Variants in MCF2L observed in about 807,000 individuals in gnomAD.
MCF2L encodes the protein guanine nucleotide exchange factor DBS.
A neutral mutation model predicts 153.4 loss-of-function variants in MCF2L; 97 were observed. The observed-to-expected ratio is 0.63, with a 90% CI of 0.54 to 0.75. The LOEUF (loss-of-function observed/expected upper bound fraction) is 0.75, where lower values mean the gene tolerates loss of function less well. Ranked by LOEUF, MCF2L falls within the 30% of genes least tolerant of loss-of-function variation. MCF2L has a pLI of 0.00. For synonymous variants in MCF2L, 659 were observed against 632.2 expected (o/e 1.04, Z -0.64); for missense variants, 1,347 against 1,495.2 (o/e 0.90, Z 1.64).
At chr13:112,985,750 A>C (rs9549622) in intron 1 of MCF2L, among the ~76,000 whole-genome samples, 16,225 of 152,274 alleles carry the variant, frequency 0.11, 1,133 homozygotes, top group East Asian at 0.24. Context: ...TGAGCCTCAC[A>C]AACTGTGCAA....
chr13:113,045,106 G>T lies in MCF2L; in HGVS notation c.279-165G>T, dbSNP rs2086726408. ...TGAGAGCAGGTTCTGGGACTGCGGGGATGGGGCTGCCGGGGCCCCCGTGTG... is the reference window on the plus strand; with the variant it reads ...TGAGAGCAGGTTCTGGGACTGCGGGTATGGGGCTGCCGGGGCCCCCGTGTG... On this transcript the variant is annotated intron_variant, in intron 3 of 29. Transcript: ENST00000535094. This position sits in a 1 kb window ranked among gnomAD's most constrained non-coding sequence, Gnocchi z 4.2. 1 of 912,054 alleles carries T rather than the reference G, an allele frequency of 1.1e-6. No homozygotes were observed. Among genetic ancestry groups the T allele is most frequent in the Admixed American group, 2.1e-5 (1 of 47,186 alleles). 56.5% of individuals were successfully genotyped at this position (912,054 alleles called of 1,614,324 possible). A position where few individuals can be genotyped will look rare whatever the true frequency, so the allele number is the denominator to read the frequency against.
At chr13:113,034,295 C>A (rs1368988694) in intron 3 of MCF2L, among the ~76,000 whole-genome samples, 1 of 152,130 alleles carries the variant, frequency 6.6e-6, no homozygotes, top group Admixed American at 6.5e-5. Flanking sequence ...TGCCACCACG[C>A]CCGGCTAATT....
chr13:113,076,934 G>T lies in MCF2L; in HGVS notation c.1501-118G>T. 4 of 1,099,534 alleles carry T rather than the reference G, an allele frequency of 3.6e-6. No individual in the cohort carries two copies. The South Asian group carries it at 4.7e-5, about 13-fold the overall frequency. 68.1% of individuals were successfully genotyped at this position (1,099,534 alleles called of 1,614,324 possible). A position where few individuals can be genotyped will look rare whatever the true frequency, so the allele number is the denominator to read the frequency against. Reference sequence around the variant, plus strand: ...CAGCTGCGCTGCGCTGACAGACCCCGCATGGAGAACATTTAAAGCGGGGGT... The same window carrying T: ...CAGCTGCGCTGCGCTGACAGACCCCTCATGGAGAACATTTAAAGCGGGGGT... On this transcript the variant is annotated intron_variant, in intron 12 of 29. Transcript: ENST00000535094.
At chr13:113,048,437 C>CTTTTT (rs35857164) in intron 4 of MCF2L, among the ~76,000 whole-genome samples, 11 of 104,176 alleles carry the variant, frequency 1.1e-4, no homozygotes, top group African/African-American at 1.8e-4. Context: ...AATTTACGGT[C>CTTTTT]TTTTTTTTTT....
At chr13:113,036,225 T>G (rs2086144112) in intron 3 of MCF2L, among the ~76,000 whole-genome samples, 1 of 152,204 alleles carries the variant, frequency 6.6e-6, no homozygotes, top group South Asian at 2.1e-4. Context: ...TCTTTGGAAA[T>G]GAGAATGACG....
intron 2 of MCF2L, among the ~76,000 whole-genome samples, chr13:112,919,205 A>ATT (rs11431408): frequency 0.095 from 11,893 of 125,572 alleles, 1,110 homozygotes; most frequent in South Asian, 0.16. Context: ...AAGAATTTGC[A>ATT]TTTTTTTTTT....
At chr13:113,032,917 G>A (rs2085816562) in intron 3 of MCF2L, among the ~76,000 whole-genome samples, 1 of 152,200 alleles carries the variant, frequency 6.6e-6, no homozygotes, top group Non-Finnish European at 1.5e-5. Flanking sequence ...AAGCGGACCT[G>A]GTGTGCTCAC....
chr13:112,909,657 A>T (rs2081210509), intron 2 of MCF2L: 4 of 226,376 alleles, frequency 1.8e-5, no homozygotes, highest in Non-Finnish European at 2.7e-5. Flanking sequence ...GTTTTATGAG[A>T]CAGAGTCCTG....
At chr13:113,071,609 C>T (rs1024746195) in intron 9 of MCF2L, among the ~76,000 whole-genome samples, 2 of 152,194 alleles carry the variant, frequency 1.3e-5, no homozygotes, top group African/African-American at 4.8e-5. Flanking sequence ...ATTGCTGTAG[C>T]ACTGTTTGTT....
rs2081132715 is a variant in MCF2L, at chr13:112,902,812, C to T, written c.169+441C>T. ...ACATGGCAAAGCCTCAGCTGGTCTC[C>T]AGACCAGTGCCCCTGCCTGGGCGTC... On this transcript the variant is annotated intron_variant, in intron 2 of 29. Coordinates refer to the MCF2L transcript ENST00000375608. Among the ~76,000 whole-genome samples, 3 of 152,324 alleles carry T rather than the reference C, an allele frequency of 2.0e-5. No individual in the cohort carries two copies. The South Asian group carries it at 6.2e-4, about 32-fold the overall frequency.
chr13:113,086,157 G>T lies in MCF2L; in HGVS notation c.2281G>T (p.Ala761Ser). Residue 761 changes from alanine (A) to serine (S), a missense_variant, in exon 21 of 30, where the codon GCT becomes TCT. Ala to Ser is a moderately conservative substitution (Grantham distance 99). Coordinates refer to ENST00000535094, the MANE Select transcript of MCF2L (RefSeq NM_001112732.3). ...GAAATACAGCAGGAACTGCGAGGGG[G>T]CTGAGGACCTGCAGGAGGCGCTGAG... The part of the protein sequence containing the change: ...MLKYSRNCEG[A>S]EDLQEALSSI... 1 of 1,610,436 alleles carries T rather than the reference G, an allele frequency of 6.2e-7. No individual in the cohort carries two copies. Among genetic ancestry groups the T allele is most frequent in the Non-Finnish European group, 8.5e-7 (1 of 1,178,524 alleles).
chr13:113,085,300 G>T, intron 20 of MCF2L, 122 bp downstream of exon 20: 2 of 776,692 alleles, frequency 2.6e-6, no homozygotes, highest in Non-Finnish European at 4.3e-6. Context: ...CCTCTTCCGA[G>T]CCTGTGCTGA....
chr13:112,988,086 A>G (rs1050638745), intron 1 of MCF2L, among the ~76,000 whole-genome samples: 4 of 152,212 alleles, frequency 2.6e-5, no homozygotes, highest in African/African-American at 9.6e-5. Context: ...GGAGGTGCAC[A>G]TGCCACTCGT....
chr13:113,023,201 G>T (rs1389854767), intron 2 of MCF2L, among the ~76,000 whole-genome samples: 2 of 152,236 alleles, frequency 1.3e-5, no homozygotes, highest in Admixed American at 1.3e-4. Context: ...CAAGGCATGA[G>T]CCCTCAAAGG....
intron 4 of MCF2L, among the ~76,000 whole-genome samples, chr13:113,057,466 C>CTGTG (rs1208068874): frequency 8.9e-6 from 1 of 112,210 alleles, no homozygotes; most frequent in African/African-American, 3.7e-5. Context: ...TGTTTTGGCA[C>CTGTG]TGGGTGCTGA....
chr13:113,096,325 G>C (rs760371100), intron 27 of MCF2L, 46 bp from the exon 28 acceptor site: 44 of 1,419,246 alleles, frequency 3.1e-5, no homozygotes, highest in Non-Finnish European at 4.0e-5. Context: ...GGCTGCTGCC[G>C]GGGCGGGTGC....
At chr13:113,059,945 T>C (rs949453289) in intron 4 of MCF2L, among the ~76,000 whole-genome samples, 2 of 152,250 alleles carry the variant, frequency 1.3e-5, no homozygotes, top group Non-Finnish European at 2.9e-5. Flanking sequence ...GGGGCCATGG[T>C]AACAAAGTAA....
intron 2 of MCF2L, among the ~76,000 whole-genome samples, chr13:112,953,357 G>A (rs2140719571): frequency 6.6e-6 from 1 of 152,288 alleles, no homozygotes; most frequent in East Asian, 1.9e-4. Flanking sequence ...AGCTCCCAGG[G>A]AACATGGCCC....
At chr13:113,023,097 G>A (rs1207362904) in intron 2 of MCF2L, among the ~76,000 whole-genome samples, 4 of 152,212 alleles carry the variant, frequency 2.6e-5, no homozygotes, top group African/African-American at 4.8e-5. Context: ...GCAGCATTGC[G>A]GGGACTGAGC....
Sources: allele counts gnomAD v4.1 joint callset (sites outside exome capture counted in the v4.1 genomes callset), GRCh38; gene constraint gnomAD v4.1.1; non-coding constraint Gnocchi (gnomAD v3.1); transcripts MANE v1.5; gene names NCBI Gene and HGNC (gene_info 2026-07-23, HGNC 2026-07-21).